TOP1: variants seen among roughly 807,000 people sequenced by gnomAD.
TOP1 encodes the protein DNA topoisomerase 1.
TOP1 carries 10 observed loss-of-function variants against 111.1 expected under a neutral mutation model. The observed-to-expected ratio is 0.09, with a 90% CI of 0.06 to 0.15. The LOEUF is 0.15. TOP1 is among the 10% of genes least tolerant of loss of function. The pLI is 1.00. For synonymous variants in TOP1, 271 were observed against 302.9 expected (o/e 0.89, Z 1.10); for missense variants, 474 against 926.7 (o/e 0.51, Z 6.34).
chr20:41,086,295 G>A (rs1363309911), intron 8 of TOP1, among the ~76,000 whole-genome samples: 1 of 151,564 alleles, frequency 6.6e-6, no homozygotes, highest in African/African-American at 2.4e-5. Flanking sequence ...ACCCCACATG[G>A]GTTTATTTTC....
intron 3 of TOP1, among the ~76,000 whole-genome samples, chr20:41,070,927 C>G (rs1214211016): frequency 6.6e-6 from 1 of 152,194 alleles, no homozygotes; most frequent in Non-Finnish European, 1.5e-5. Context: ...CTTCAGTTTC[C>G]ACATCTGTGA....
rs1048802902 is a variant in TOP1 at position 41,078,001 on chromosome 20, A to T, written c.335+364A>T. Among the ~76,000 whole-genome samples, 3 of 140,896 alleles carry T rather than the reference A, an allele frequency of 2.1e-5. No homozygotes were observed. The highest frequency in any genetic ancestry group is 4.5e-5 in the Non-Finnish European group (3 of 66,442). The allele number at this position is 140,896 out of a possible 152,430, so 92.4% of individuals were successfully genotyped here. A position where few individuals can be genotyped will look rare whatever the true frequency, so the allele number is the denominator to read the frequency against. On this transcript the variant is annotated intron_variant, in intron 5 of 20. Transcript: ENST00000361337. This position sits in a 1 kb window ranked among gnomAD's most constrained non-coding sequence, Gnocchi z 5.3. ...ATTCACAAGGTATTGCAGCCTCTTC[A>T]CTAATTCCAGAACATTTTCATTTCT...
intron 11 of TOP1, among the ~76,000 whole-genome samples, chr20:41,099,591 C>T (rs1211239749): frequency 6.6e-6 from 1 of 152,094 alleles, no homozygotes; most frequent in Non-Finnish European, 1.5e-5. Flanking sequence ...AGTGTATATA[C>T]CTGTATACCT....
Position 41,095,893 on chromosome 20 carries a change from G to GA in TOP1, c.731-1324dup, listed in dbSNP as rs1377376116. ...AAAGTTGGATTTTTAAGAAAGAATG[G>GA]AAATTGGCACTAAGAGTACTGTCAA... On this transcript the variant is annotated intron_variant, in intron 9 of 20. Transcript: ENST00000361337. This position sits in a 1 kb window ranked among gnomAD's most constrained non-coding sequence, Gnocchi z 4.6. 6.6e-6 allele frequency among the ~76,000 whole-genome samples: 1 copy of GA among 152,208 alleles called. No individual in the cohort carries two copies. The highest frequency in any genetic ancestry group is 1.5e-5 in the Non-Finnish European group (1 of 68,036).
chr20:41,036,900 G>A (rs920082828), intron 2 of TOP1, among the ~76,000 whole-genome samples: 12 of 139,610 alleles, frequency 8.6e-5, no homozygotes, highest in East Asian at 2.1e-4. Context: ...GCGCAATCTC[G>A]GCTCACTGCA....
At position 41,109,973 on chromosome 20, in the gene TOP1, A is replaced by C. The variant is rs1445018175; in HGVS notation, c.1309-2809A>C. 6.6e-6 allele frequency among the ~76,000 whole-genome samples: 1 copy of C among 152,230 alleles called. No individual in the cohort carries two copies. Among genetic ancestry groups the C allele is most frequent in the Non-Finnish European group, 1.5e-5 (1 of 68,042 alleles). On this transcript the variant is annotated intron_variant, in intron 13 of 20. Transcript: ENST00000361337. This position sits in a 1 kb window ranked among gnomAD's most constrained non-coding sequence, Gnocchi z 4.1. ...GAAGGGAACTACTTATGTATTCAACAACATGGATGAATCTTAAAAACATGG... is the reference window on the plus strand; with the variant it reads ...GAAGGGAACTACTTATGTATTCAACCACATGGATGAATCTTAAAAACATGG...
rs750292619 is a variant in TOP1, at chr20:41,061,385, T to C, written c.59-9T>C. 1.2e-6 allele frequency: 2 copies of C among 1,613,444 alleles called. No homozygotes were observed. Among genetic ancestry groups the C allele is most frequent in the African/African-American group, 1.3e-5 (1 of 75,038 alleles). On this transcript the variant is annotated splice_polypyrimidine_tract_variant and intron_variant, in intron 2 of 20. Coordinates refer to ENST00000361337, the MANE Select transcript of TOP1 (RefSeq NM_003286.4). This position sits in a 1 kb window ranked among gnomAD's most constrained non-coding sequence, Gnocchi z 4.6. ...CTCCTGTTAACTGACTCATCTCTTA[T>C]GGTTGCAGATTCTCATAAACACAAA...
At chr20:41,103,601 G>C (rs1469666740) in intron 13 of TOP1, among the ~76,000 whole-genome samples, 4 of 152,000 alleles carry the variant, frequency 2.6e-5, no homozygotes, top group African/African-American at 7.2e-5. Context: ...CAGCCTCTGG[G>C]GTTCAGGGAT....
At chr20:41,073,241 A>G in intron 3 of TOP1, 3 of 985,368 alleles carry the variant, frequency 3.0e-6, no homozygotes, top group Non-Finnish European at 3.6e-6. Flanking sequence ...TCTAGTGAAA[A>G]TGGCTAACAT....
At position 41,121,878 on chromosome 20, in the gene TOP1, G is replaced by A. The variant is rs113335454; in HGVS notation, c.2045+88G>A. 1.9e-6 allele frequency: 3 copies of A among 1,557,264 alleles called. No individual in the cohort carries two copies. In the African/African-American group the frequency reaches 4.1e-5, roughly 22 times the overall value. Reference sequence around the variant, plus strand: ...CCCCTGGGGCCCTGGCTTTTCGATGGTTTCTGAGAAATGTCTTTTGGAAAT... The same window carrying A: ...CCCCTGGGGCCCTGGCTTTTCGATGATTTCTGAGAAATGTCTTTTGGAAAT... On this transcript the variant is annotated intron_variant, in intron 19 of 20. Transcript: ENST00000361337. This position sits in a 1 kb window ranked among gnomAD's most constrained non-coding sequence, Gnocchi z 4.2.
chr20:41,072,616 C>T lies in TOP1; in HGVS notation c.156-3555C>T, dbSNP rs908711011. On this transcript the variant is annotated intron_variant, in intron 3 of 20. Coordinates refer to ENST00000361337, the MANE Select transcript of TOP1 (RefSeq NM_003286.4). ...CAGGCACATTCCTAGGAAAGATTGG[C>T]AGTGGGGTTTGCTCTTTGCCAGCAC... The T allele has an allele frequency of 5.1e-6, 5 of 985,286 alleles. No homozygotes were observed. The African/African-American group carries it at 8.7e-5, about 17-fold the overall frequency. The allele number at this position is 985,286 out of a possible 1,614,324, so 61.0% of individuals were successfully genotyped here. A position where few individuals can be genotyped will look rare whatever the true frequency, so the allele number is the denominator to read the frequency against.
rs1413850248 is a variant in TOP1, at chr20:41,116,158, C to G, written c.1708-120C>G. On this transcript the variant is annotated intron_variant, in intron 16 of 20. Coordinates refer to ENST00000361337, the MANE Select transcript of TOP1 (RefSeq NM_003286.4). The surrounding 1 kb of genome is among the most constrained non-coding windows in gnomAD (Gnocchi z 5.6). Reference sequence around the variant, plus strand: ...TTCTTTTCCTCTTTCCCTAACTTCCCACTTGTAGGGCAATAAACTTGACAA... The same window carrying G: ...TTCTTTTCCTCTTTCCCTAACTTCCGACTTGTAGGGCAATAAACTTGACAA... 3.1e-6 allele frequency: 2 copies of G among 635,642 alleles called. No homozygotes were observed. Among genetic ancestry groups the G allele is most frequent in the African/African-American group, 3.7e-5 (2 of 54,626 alleles). 39.4% of individuals were successfully genotyped at this position (635,642 alleles called of 1,614,324 possible). A position where few individuals can be genotyped will look rare whatever the true frequency, so the allele number is the denominator to read the frequency against.
At chr20:41,043,219 A>G (rs146218720) in intron 2 of TOP1, among the ~76,000 whole-genome samples, 78 of 152,346 alleles carry the variant, frequency 5.1e-4, no homozygotes, top group African/African-American at 1.8e-3. Context: ...ATGAGTGTCT[A>G]CCAGGTGATC....
At chr20:41,059,623 G>A (rs2033520639) in intron 2 of TOP1, among the ~76,000 whole-genome samples, 2 of 151,932 alleles carry the variant, frequency 1.3e-5, no homozygotes, top group African/African-American at 4.8e-5. Context: ...GAGAAAATCT[G>A]TGTAGCCCTT....
At chr20:41,086,702 T>C (rs556996584) in intron 8 of TOP1, among the ~76,000 whole-genome samples, 1 of 152,346 alleles carries the variant, frequency 6.6e-6, no homozygotes, top group Admixed American at 6.5e-5. Flanking sequence ...CCATGACTTT[T>C]GGTTTTTATT....
At position 41,032,149 on chromosome 20, in the gene TOP1, C is replaced by T. The variant is rs753399812; in HGVS notation, c.58+2694C>T. Among the ~76,000 whole-genome samples, 2 of 152,192 alleles carry T rather than the reference C, an allele frequency of 1.3e-5. No homozygotes were observed. Among genetic ancestry groups the T allele is most frequent in the Non-Finnish European group, 2.9e-5 (2 of 68,026 alleles). On this transcript the variant is annotated intron_variant, in intron 2 of 20. Coordinates refer to ENST00000361337, the MANE Select transcript of TOP1 (RefSeq NM_003286.4). The surrounding 1 kb of genome is among the most constrained non-coding windows in gnomAD (Gnocchi z 4.3). ...TAAGCGTGATTTTAAGAGGGCCTAA[C>T]CCATCTTACAGATTAACTGTACAAG...
intron 2 of TOP1, among the ~76,000 whole-genome samples, chr20:41,038,324 T>C (rs930514272): frequency 3.3e-5 from 5 of 152,076 alleles, no homozygotes; most frequent in African/African-American, 1.2e-4. Context: ...CCTTACAACA[T>C]TGAGGATTAA....
In TOP1 at chr20:41,106,924, C is replaced by T. The variant is rs2034156223; in HGVS notation, c.1308+5571C>T. 6.6e-6 allele frequency among the ~76,000 whole-genome samples: 1 copy of T among 152,136 alleles called. No homozygotes were observed. Among genetic ancestry groups the T allele is most frequent in the Non-Finnish European group, 1.5e-5 (1 of 68,014 alleles). The stretch of plus-strand genomic sequence containing the variant: ...AATTTTTATTTTTAAACACAATTAT[C>T]CATAAAACCCTAACCCTTTCCCTAG... On this transcript the variant is annotated intron_variant, in intron 13 of 20. Transcript: ENST00000361337. The surrounding 1 kb of genome is among the most constrained non-coding windows in gnomAD (Gnocchi z 4.3).
In TOP1 at chr20:41,113,632, C is replaced by T. The variant is rs531815132; in HGVS notation, c.1453-338C>T. Among the ~76,000 whole-genome samples, 7 of 150,472 alleles carry T rather than the reference C, an allele frequency of 4.7e-5. No homozygotes were observed. The South Asian group carries it at 1.5e-3, about 31-fold the overall frequency. ...GTGGCTCACGCCTGTAATCCCAGCA[C>T]TTTGGGAGGCCAAGGCAGGTGGAAC... On this transcript the variant is annotated intron_variant, in intron 14 of 20. Coordinates refer to ENST00000361337, the MANE Select transcript of TOP1 (RefSeq NM_003286.4).
Sources: allele counts gnomAD v4.1 joint callset (sites outside exome capture counted in the v4.1 genomes callset), GRCh38; gene constraint gnomAD v4.1.1; non-coding constraint Gnocchi (gnomAD v3.1); transcripts MANE v1.5; gene names NCBI Gene and HGNC (gene_info 2026-07-23, HGNC 2026-07-21).